FGA: variants seen among roughly 807,000 people sequenced by gnomAD.
The protein encoded by FGA is fibrinogen alpha chain, also known as fibrinogen, A alpha polypeptide.
FGA carries 20 observed loss-of-function variants against 20.3 expected under a neutral mutation model. The ratio of observed to expected loss-of-function variants is 0.99; its 90% confidence interval spans 0.69 to 1.43. The LOEUF (loss-of-function observed/expected upper bound fraction) is 1.43, where lower values mean the gene tolerates loss of function less well. Among genes scored for constraint, FGA ranks in the 40% most tolerant of loss-of-function variants. The pLI is 0.00. For missense variants in FGA, 777 were observed against 784.7 expected, an observed-to-expected ratio of 0.99 and a Z score of 0.12; for synonymous variants, 306 against 281.6, an observed-to-expected ratio of 1.09 and a Z score of -0.87.
At chr4:154,584,060 T>C (rs1414642358), downstream of FGA, 1 of 839,564 alleles carries the variant, frequency 1.2e-6, no homozygotes, top group Non-Finnish European at 1.7e-6. Context: ...TGCTTTACCT[T>C]TTGTATTTTC....
At chr4:154,584,466 G>A, downstream of FGA, 1 of 1,614,118 alleles carries the variant, frequency 6.2e-7, no homozygotes, top group Non-Finnish European at 8.5e-7. Context: ...AGGAGACTTG[G>A]AGGGCATAGC....
In FGA at chr4:154,586,238, G is replaced by A; in HGVS notation, c.1191C>T (p.Ser397=). Residue 397 remains serine (S), a synonymous_variant, in exon 5 of 5, where the codon AGC becomes AGT. Transcript: ENST00000403106. ...HSESGSFRPD[S]PGSGNARPNN... is the part of the protein sequence containing the mutation. Reference sequence around the variant, plus strand: ...TAGGCCTCGCGTTCCCAGAGCCTGGGCTATCTGGCCTAAAACTTCCAGATT... The same window carrying A: ...TAGGCCTCGCGTTCCCAGAGCCTGGACTATCTGGCCTAAAACTTCCAGATT... 6.2e-7 allele frequency: 1 copy of A among 1,614,030 alleles called. No homozygotes were observed. The highest frequency in any genetic ancestry group is 1.1e-5 in the South Asian group (1 of 91,056).
intron 3 of FGA, 39 bp from the exon 4 acceptor site, chr4:154,587,696 T>C: frequency 6.3e-7 from 1 of 1,589,086 alleles, no homozygotes; most frequent in Non-Finnish European, 8.6e-7. Flanking sequence ...AGCTGCTGAG[T>C]GATTTGTCTG....
At position 154,586,253 on chromosome 4, in the gene FGA, A is replaced by C; in HGVS notation, c.1176T>G (p.Ser392Arg). The C allele has an allele frequency of 3.1e-6, 5 of 1,614,020 alleles. No individual in the cohort carries two copies. The highest frequency in any genetic ancestry group is 4.2e-6 in the Non-Finnish European group (5 of 1,179,944). ...STGQWHSESG[S>R]FRPDSPGSGN... ...CAGAGCCTGGGCTATCTGGCCTAAA[A>C]CTTCCAGATTCAGAGTGCCATTGTC... Residue 392 changes from serine (S) to arginine (R), a missense_variant, in exon 5 of 5, where the codon AGT becomes AGG. Ser to Arg is a moderately radical substitution (Grantham distance 110). Coordinates refer to ENST00000403106, the MANE Select transcript of FGA (RefSeq NM_021871.4).
Position 154,585,465 on chromosome 4 carries a change from G to C in FGA, c.*29C>G. 7.0e-7 allele frequency: 1 copy of C among 1,427,798 alleles called. No individual in the cohort carries two copies. The highest frequency in any genetic ancestry group is 9.9e-7 in the Non-Finnish European group (1 of 1,011,954). The allele number at this position is 1,427,798 out of a possible 1,614,324, so 88.4% of individuals were successfully genotyped here. ...AAGAAGGAAATGCAAGGGGCCATGG[G>C]AACACTGTGCAGAAATATTTAACTT... On this transcript the variant is annotated 3_prime_UTR_variant, in exon 5 of 5. Transcript: ENST00000403106.
Position 154,586,659 on chromosome 4 carries a change from A to G in FGA, c.770T>C (p.Met257Thr). The change falls in exon 5 of 5, where the codon ATG (methionine) becomes ACG (threonine). Residue 257 changes from methionine to threonine, a missense_variant. Coordinates refer to ENST00000403106, the MANE Select transcript of FGA (RefSeq NM_021871.4). The part of the protein sequence containing the change: ...EWKALTDMPQ[M>T]RMELERPGGN... The stretch of plus-strand genomic sequence containing the variant: ...ACCAGGTCTCTCTAACTCCATTCTC[A>G]TCTGCGGCATGTCTGTTAATGCCTT... The G allele has an allele frequency of 6.2e-7, 1 of 1,614,162 alleles. No individual in the cohort carries two copies. Among genetic ancestry groups the G allele is most frequent in the South Asian group, 1.1e-5 (1 of 91,074 alleles).
At position 154,586,930 on chromosome 4, in the gene FGA, G is replaced by A. The variant is rs377172488; in HGVS notation, c.511-12C>T. 6.2e-7 allele frequency: 1 copy of A among 1,611,902 alleles called. No individual in the cohort carries two copies. Among genetic ancestry groups the A allele is most frequent in the Non-Finnish European group, 8.5e-7 (1 of 1,179,340 alleles). ...ATATCAATGTCCACCTAGAGAGAGG[G>A]GAGAAAAATAAAGAGAAAATGTAGA... On this transcript the variant is annotated splice_polypyrimidine_tract_variant and intron_variant, in intron 4 of 4. Transcript: ENST00000403106.
At chr4:154,584,465 G>A, downstream of FGA, 1 of 1,614,150 alleles carries the variant, frequency 6.2e-7, no homozygotes. Flanking sequence ...GAGGAGACTT[G>A]GAGGGCATAG....
At chr4:154,584,883 A>G, downstream of FGA, 6 of 1,353,936 alleles carry the variant, frequency 4.4e-6, no homozygotes, top group Non-Finnish European at 6.3e-6. Context: ...ATTTAACTTT[A>G]CAAAGATAGG....
intron 2 of FGA, 116 bp downstream of exon 2, chr4:154,589,321 G>A (rs1376341686): frequency 8.1e-7 from 1 of 1,236,152 alleles, no homozygotes; most frequent in African/African-American, 1.5e-5. Flanking sequence ...TTGCTATGTA[G>A]GTAACTATTC....
chr4:154,587,395 T>C lies in FGA; in HGVS notation c.510+117A>G, dbSNP rs544963086. 9.3e-6 allele frequency: 9 copies of C among 966,436 alleles called. No individual in the cohort carries two copies. The African/African-American group carries it at 1.5e-4, about 16-fold the overall frequency. The allele number at this position is 966,436 out of a possible 1,614,324, so 59.9% of individuals were successfully genotyped here. ...GAGGAAAATAATACCTACTTTTAGGTAGATGATGGATATAACACTTTTCTC... is the reference window on the plus strand; with the variant it reads ...GAGGAAAATAATACCTACTTTTAGGCAGATGATGGATATAACACTTTTCTC... On this transcript the variant is annotated intron_variant, in intron 4 of 4. Transcript: ENST00000403106.
At chr4:154,585,259 T>A (rs765935215), downstream of FGA, 403 of 1,353,752 alleles carry the variant, frequency 3.0e-4, no homozygotes, top group Non-Finnish European at 3.7e-4. Flanking sequence ...TAAGCTCAAA[T>A]AGAGTTTCAG....
In FGA at chr4:154,586,222, C is replaced by T. The variant is rs1730710209; in HGVS notation, c.1207G>A (p.Ala403Thr). Residue 403 changes from alanine to threonine, a missense_variant, in exon 5 of 5, where the codon GCG (alanine) becomes ACG (threonine). Physicochemically the swap from Ala to Thr is moderately conservative, Grantham distance 58 (BLOSUM62 0). Transcript: ENST00000403106. The part of the protein sequence containing the change: ...FRPDSPGSGN[A>T]RPNNPDWGTF... ...CCCCAGTCTGGGTTGTTAGGCCTCGCGTTCCCAGAGCCTGGGCTATCTGGC... is the reference window on the plus strand; with the variant it reads ...CCCCAGTCTGGGTTGTTAGGCCTCGTGTTCCCAGAGCCTGGGCTATCTGGC... 1.9e-6 allele frequency: 3 copies of T among 1,614,048 alleles called. No homozygotes were observed. Among genetic ancestry groups the T allele is most frequent in the South Asian group, 1.1e-5 (1 of 91,054 alleles).
At chr4:154,585,272 G>C (rs1345676329), downstream of FGA, 8 of 1,351,734 alleles carry the variant, frequency 5.9e-6, no homozygotes, top group African/African-American at 1.2e-4. Flanking sequence ...AGTTTCAGAG[G>C]AATTCATTCA....
At position 154,590,603 on chromosome 4, in the gene FGA, A is replaced by C. The variant is rs200032479; in HGVS notation, c.54+31T>G. On this transcript the variant is annotated intron_variant, in intron 1 of 4. Transcript: ENST00000403106. Reference sequence around the variant, plus strand: ...CTTTGTGGAATAAACACCAGAGAGAAAGCAAGAAGAAAAAATGAAAAGGGC... The same window carrying C: ...CTTTGTGGAATAAACACCAGAGAGACAGCAAGAAGAAAAAATGAAAAGGGC... 151 of 1,533,550 alleles carry C rather than the reference A, an allele frequency of 9.8e-5. 1 individual carries two copies. The East Asian group carries it at 1.9e-3, about 19-fold the overall frequency. The allele number at this position is 1,533,550 out of a possible 1,614,324, so 95.0% of individuals were successfully genotyped here.
At chr4:154,587,049 T>A in intron 4 of FGA, 131 bp from the exon 5 acceptor site, 1 of 861,056 alleles carries the variant, frequency 1.2e-6, no homozygotes, top group Non-Finnish European at 1.8e-6. Context: ...ACCTACCACT[T>A]AATATTCTCT....
At position 154,585,786 on chromosome 4, in the gene FGA, C is replaced by A. The variant is rs761816130; in HGVS notation, c.1643G>T (p.Gly548Val). The change falls in exon 5 of 5, where the codon GGC becomes GTC. Residue 548 changes from glycine (G) to valine (V), a missense_variant. Coordinates refer to ENST00000403106, the MANE Select transcript of FGA (RefSeq NM_021871.4). ...GEFVSETESR[G>V]SESGIFTNTK... ...ATTTGTGAAGATGCCAGATTCTGAGCCCCTAGACTCAGTCTCACTGACAAA... is the reference window on the plus strand; with the variant it reads ...ATTTGTGAAGATGCCAGATTCTGAGACCCTAGACTCAGTCTCACTGACAAA... The A allele has an allele frequency of 2.5e-6, 4 of 1,614,138 alleles. No individual in the cohort carries two copies. In the South Asian group the frequency reaches 3.3e-5, roughly 13 times the overall value.
intron 3 of FGA, 104 bp from the exon 4 acceptor site, chr4:154,587,761 AAG>A (rs1491406049): frequency 1.2e-5 from 7 of 600,518 alleles, no homozygotes; most frequent in Non-Finnish European, 2.0e-5. Flanking sequence ...GAAAGAAAGA[AAG>A]AAAGAAAGAA....
downstream of FGA, chr4:154,584,089 A>AGAAGACAGAGTGCTCCCATTCCGACTTC: frequency 1.5e-6 from 2 of 1,369,322 alleles, no homozygotes; most frequent in Non-Finnish European, 2.1e-6. Context: ...TCTCTAGCAA[A>AGAAGACAGAGTGCTCCCATTCCGACTTC]GAAGACAGAG....
Sources: allele counts gnomAD v4.1 joint callset, GRCh38; gene constraint gnomAD v4.1.1; transcripts MANE v1.5; gene names NCBI Gene and HGNC (gene_info 2026-07-23, HGNC 2026-07-21).